MRPS23: variants seen among roughly 807,000 people sequenced by gnomAD.
MRPS23 encodes small ribosomal subunit protein mS23.
MRPS23 carries 14 observed loss-of-function variants against 19.8 expected under a neutral mutation model. That is an observed-to-expected ratio of 0.71 (90% CI 0.47 to 1.11). The LOEUF is 1.11. Among genes scored for constraint, MRPS23 ranks in the 50% least tolerant of loss-of-function variants. MRPS23 has a pLI of 0.00. For synonymous variants in MRPS23, 113 were observed against 89.7 expected, an observed-to-expected ratio of 1.26 and a Z score of -1.47; for missense variants, 242 against 236.7, an observed-to-expected ratio of 1.02 and a Z score of -0.15.
chr17:57,837,645 A>T lies in MRPS23; in HGVS notation c.*2138T>A, dbSNP rs1477188110. On this transcript the variant is annotated 3_prime_UTR_variant, in exon 5 of 5. Coordinates refer to ENST00000313608, the MANE Select transcript of MRPS23 (RefSeq NM_016070.4). ...AACCATGTGCATGTATAATTTTTTTAAAGAATTATGCAACAAATAACTTCT... is the reference window on the plus strand; with the variant it reads ...AACCATGTGCATGTATAATTTTTTTTAAGAATTATGCAACAAATAACTTCT... 6.6e-6 allele frequency: 1 copy of T among 152,158 alleles called. No individual in the cohort carries two copies. Among genetic ancestry groups the T allele is most frequent in the African/African-American group, 2.4e-5 (1 of 41,448 alleles). The allele number at this position is 152,158 out of a possible 1,614,324, so 9.4% of individuals were successfully genotyped here. A position where few individuals can be genotyped will look rare whatever the true frequency, so the allele number is the denominator to read the frequency against.
At chr17:57,845,685 C>G (rs779808360) in intron 2 of MRPS23, among the ~76,000 whole-genome samples, 5 of 152,174 alleles carry the variant, frequency 3.3e-5, no homozygotes, top group Non-Finnish European at 5.9e-5. Flanking sequence ...GAAATTGTTT[C>G]AGAAAACTAA....
rs1217434436 is a variant in MRPS23, at chr17:57,836,305, G to A, written c.*3478C>T. The A allele has an allele frequency of 6.6e-6, 1 of 152,324 alleles. No homozygotes were observed. The highest frequency in any genetic ancestry group is 1.5e-5 in the Non-Finnish European group (1 of 68,048). The allele number at this position is 152,324 out of a possible 1,614,324, so 9.4% of individuals were successfully genotyped here. A position where few individuals can be genotyped will look rare whatever the true frequency, so the allele number is the denominator to read the frequency against. On this transcript the variant is annotated 3_prime_UTR_variant, in exon 5 of 5. Transcript: ENST00000313608. ...TACTTGAATGAAGGCCACAGTAAAT[G>A]AGGCAGGAGTACAAACAGTAGGCCA...
At chr17:57,843,682 T>A (rs2144876011) in intron 2 of MRPS23, among the ~76,000 whole-genome samples, 1 of 152,176 alleles carries the variant, frequency 6.6e-6, no homozygotes, top group South Asian at 2.1e-4. Flanking sequence ...AGGAAGACAG[T>A]CCTCCCCAGA....
At chr17:57,849,892 A>G (rs2073800784) in intron 1 of MRPS23, 75 bp downstream of exon 1, 1 of 1,518,784 alleles carries the variant, frequency 6.6e-7, no homozygotes, top group Non-Finnish European at 8.8e-7. Flanking sequence ...GGTCCGCTCC[A>G]AGGAAGAGCG....
chr17:57,846,340 G>C (rs2073775305), intron 2 of MRPS23, among the ~76,000 whole-genome samples: 1 of 151,644 alleles, frequency 6.6e-6, no homozygotes, highest in African/African-American at 2.4e-5. Flanking sequence ...CGGGAGGTGG[G>C]GGGCACCTCT....
At chr17:57,842,122 T>C (rs1220297742) in intron 2 of MRPS23, among the ~76,000 whole-genome samples, 1 of 152,142 alleles carries the variant, frequency 6.6e-6, no homozygotes, top group African/African-American at 2.4e-5. Flanking sequence ...AGCAATCCTC[T>C]TGCCTCAGCA....
rs906281245 is a variant in MRPS23 at position 57,839,403 on chromosome 17, G to C, written c.*380C>G. The C allele has an allele frequency of 6.2e-6, 1 of 161,372 alleles. No homozygotes were observed. The highest frequency in any genetic ancestry group is 1.8e-4 in the South Asian group (1 of 5,480). 10.0% of individuals were successfully genotyped at this position (161,372 alleles called of 1,614,324 possible). ...CATGTGTACACGTATAAGTCTGATG[G>C]ATCAGAAGAAATATGTACCCGGGAA... On this transcript the variant is annotated 3_prime_UTR_variant, in exon 5 of 5. Transcript: ENST00000313608.
rs183996656 is a variant in MRPS23, at chr17:57,839,702, A to G, written c.*81T>C. The G allele has an allele frequency of 1.3e-6, 2 of 1,502,840 alleles. No homozygotes were observed. Among genetic ancestry groups the G allele is most frequent in the Admixed American group, 4.1e-5 (2 of 48,730 alleles). The allele number at this position is 1,502,840 out of a possible 1,614,324, so 93.1% of individuals were successfully genotyped here. On this transcript the variant is annotated 3_prime_UTR_variant, in exon 5 of 5. Coordinates refer to ENST00000313608, the MANE Select transcript of MRPS23 (RefSeq NM_016070.4). ...ACCTTAGAGATCAAGAAACATTTAC[A>G]CAGTTCAACTGTTTAAAAATAGCTC...
chr17:57,845,058 C>G (rs912073044), intron 2 of MRPS23, among the ~76,000 whole-genome samples: 2 of 152,036 alleles, frequency 1.3e-5, no homozygotes, highest in African/African-American at 4.8e-5. Flanking sequence ...CCACCACGCC[C>G]AGCTGATTTT....
At chr17:57,846,730 A>G (rs1206972133) in intron 2 of MRPS23, among the ~76,000 whole-genome samples, 1 of 152,090 alleles carries the variant, frequency 6.6e-6, no homozygotes, top group Non-Finnish European at 1.5e-5. Flanking sequence ...GCTCGTTAAG[A>G]GTCATCACCA....
chr17:57,847,078 C>T (rs575866356), intron 2 of MRPS23, among the ~76,000 whole-genome samples: 2 of 150,796 alleles, frequency 1.3e-5, no homozygotes, highest in Non-Finnish European at 3.0e-5. Flanking sequence ...GGGCGGATCA[C>T]GAGGTCAGGA....
In MRPS23 at chr17:57,845,105, C is replaced by T. The variant is rs143841680; in HGVS notation, c.216-3845G>A. On this transcript the variant is annotated intron_variant, in intron 2 of 4. Transcript: ENST00000313608. ...CAGAGGTGGGGTTTCACCATGTTGC[C>T]CAGGCTGGTTTCGAACTCCTGACCT... Among the ~76,000 whole-genome samples the T allele has an allele frequency of 2.0e-4, 30 of 152,176 alleles. No homozygotes were observed. The East Asian group carries it at 5.6e-3, about 28-fold the overall frequency.
Position 57,849,348 on chromosome 17 carries a change from T to C in MRPS23, c.107A>G (p.Asp36Gly). The C allele has an allele frequency of 6.2e-7, 1 of 1,614,136 alleles. No homozygotes were observed. The highest frequency in any genetic ancestry group is 1.3e-5 in the African/African-American group (1 of 75,016). The part of the protein sequence containing the change: ...KEKPLWFDVY[D>G]AFPPLREPVF... ...GGGCTCCCTCAGCGGGGGAAAGGCG[T>C]CATATACGTCAAACCACAGGGGCTT... is the stretch of plus-strand genomic sequence containing the variant. The change falls in exon 2 of 5, where the codon GAC becomes GGC. Residue 36 changes from aspartate to glycine, a missense_variant. By Grantham distance (94) the Asp-to-Gly change is moderately conservative. Transcript: ENST00000313608.
intron 1 of MRPS23, among the ~76,000 whole-genome samples, 190 bp from the exon 2 acceptor site, chr17:57,849,600 T>G (rs143910394): frequency 1.7e-4 from 26 of 152,242 alleles, no homozygotes; most frequent in African/African-American, 6.3e-4. Context: ...TCAGGAGAGT[T>G]AAATCCCTCT....
chr17:57,841,209 A>G lies in MRPS23; in HGVS notation c.267T>C (p.Asn89=). ...GTTGACAGGTAGACTTGAAGTTTGG[A>G]TTGAATAGATCAAAAGCTCTTTGAC... ...GSGQRAFDLF[N]PNFKSTCQRF... The change falls in exon 3 of 5, where the codon AAT becomes AAC. Residue 89 remains asparagine, a synonymous_variant. Coordinates refer to ENST00000313608, the MANE Select transcript of MRPS23 (RefSeq NM_016070.4). 6.2e-7 allele frequency: 1 copy of G among 1,614,202 alleles called. No homozygotes were observed. The highest frequency in any genetic ancestry group is 2.2e-5 in the East Asian group (1 of 44,880).
At chr17:57,849,655 C>T (rs1331074038) in intron 1 of MRPS23, among the ~76,000 whole-genome samples, 1 of 152,212 alleles carries the variant, frequency 6.6e-6, no homozygotes, top group Non-Finnish European at 1.5e-5. Flanking sequence ...CGGAAAAATG[C>T]AAAGAGCGGT....
At chr17:57,849,137 C>T (rs2073795205) in intron 2 of MRPS23, 103 bp downstream of exon 2, 1 of 1,471,184 alleles carries the variant, frequency 6.8e-7, no homozygotes, top group African/African-American at 1.4e-5. Flanking sequence ...CTCCACAGGG[C>T]AAACCCCTGA....
chr17:57,846,734 A>G (rs1291289211), intron 2 of MRPS23, among the ~76,000 whole-genome samples: 1 of 152,070 alleles, frequency 6.6e-6, no homozygotes, highest in African/African-American at 2.4e-5. Context: ...GTTAAGAGTC[A>G]TCACCACTCC....
At chr17:57,839,986 T>C in intron 4 of MRPS23, 51 bp from the exon 5 acceptor site, 1 of 1,604,372 alleles carries the variant, frequency 6.2e-7, no homozygotes, top group East Asian at 2.2e-5. Flanking sequence ...TTTCACTCAA[T>C]TAATTCGCTA....
Sources: gnomAD v4.1 joint callset for allele counts (sites outside exome capture counted in the v4.1 genomes callset) on GRCh38, gnomAD v4.1.1 for gene constraint, MANE v1.5 for transcripts, NCBI Gene and HGNC (gene_info 2026-07-23, HGNC 2026-07-21) for gene names.